Variants in ATP2B2 observed in about 807,000 individuals in gnomAD.
ATP2B2 encodes ATPase plasma membrane Ca2+ transporting 2, also known as plasma membrane calcium-transporting ATPase 2.
In ATP2B2, 15 loss-of-function variants were observed where a neutral mutation model predicts 120.0. That is an observed-to-expected ratio of 0.12 (90% confidence interval 0.08 to 0.19). The LOEUF (loss-of-function observed/expected upper bound fraction) is 0.19. Ranked by LOEUF, ATP2B2 falls within the 10% of genes least tolerant of loss-of-function variation. The pLI is 1.00. For synonymous variants in ATP2B2, 694 were observed against 700.3 expected (o/e 0.99, Z 0.14); for missense variants, 1,045 against 1,719.8 (o/e 0.61, Z 6.94).
rs1454830610 is a variant in ATP2B2 at position 10,440,100 on chromosome 3, T to TTA, written c.199+9244_199+9245insTA. Among the ~76,000 whole-genome samples the TTA allele has an allele frequency of 1.1e-4, 3 of 28,170 alleles. No individual in the cohort carries two copies. The East Asian group carries it at 4.5e-3, about 43-fold the overall frequency. 18.5% of individuals were successfully genotyped at this position (28,170 alleles called of 152,430 possible). On this transcript the variant is annotated intron_variant, in intron 2 of 22. Transcript: ENST00000360273. ...CTGGGCAACAGAGTGAGACTCTATC[T>TTA]AAAAAAAAAAAAAAAAAAAAAAAAA...
In ATP2B2 at chr3:10,350,403, C is replaced by G. The variant is rs1195731524; in HGVS notation, c.2311G>C (p.Gly771Arg). Residue 771 changes from glycine to arginine, a missense_variant, in exon 15 of 23, where the codon GGG becomes CGG. By Grantham distance (125) the Gly-to-Arg change is moderately radical (BLOSUM62 -2). This residue lies in a region of ATP2B2 where 343 missense variants were observed against 536.8 expected (regional missense o/e 0.64). Coordinates refer to ENST00000360273, the MANE Select transcript of ATP2B2 (RefSeq NM_001001331.4). The stretch of plus-strand genomic sequence containing the variant: ...CTTTACGTTGGGACACGCACCTCCC[C>G]CTTCTCGTTGCGGATCCTCCTGTTG... ...EFNRRIRNEKGEIEQERIDKI... is the reference protein window; with the variant it reads ...EFNRRIRNEKREIEQERIDKI... 7 of 1,614,120 alleles carry G rather than the reference C, an allele frequency of 4.3e-6. No individual in the cohort carries two copies. Among genetic ancestry groups the G allele is most frequent in the Non-Finnish European group, 5.1e-6 (6 of 1,180,044 alleles).
chr3:10,653,943 C>T (rs114614682), intron 1 of ATP2B2, among the ~76,000 whole-genome samples: 3,070 of 152,174 alleles, frequency 0.02, 41 homozygotes, highest in South Asian at 0.034. Context: ...TCCAATACCC[C>T]CTTCTTCTGT....
At chr3:10,640,501 T>G (rs917162022) in intron 1 of ATP2B2, among the ~76,000 whole-genome samples, 13 of 152,212 alleles carry the variant, frequency 8.5e-5, no homozygotes. Context: ...TGTTGTTTTG[T>G]GGCCACTGAG....
chr3:10,534,461 T>C (rs2067270080), intron 2 of ATP2B2, among the ~76,000 whole-genome samples: 2 of 152,226 alleles, frequency 1.3e-5, no homozygotes, highest in South Asian at 4.1e-4. Flanking sequence ...ATCTAGCCAT[T>C]CTATTCATTT....
intron 7 of ATP2B2, among the ~76,000 whole-genome samples, 167 bp downstream of exon 7, chr3:10,386,313 C>T (rs2061677623): frequency 6.6e-6 from 1 of 152,110 alleles, no homozygotes; most frequent in Non-Finnish European, 1.5e-5. Context: ...GCTTGTCCCA[C>T]AGGGCTGGCA....
chr3:10,567,137 T>G (rs777469996), intron 2 of ATP2B2, among the ~76,000 whole-genome samples: 1 of 152,190 alleles, frequency 6.6e-6, no homozygotes, highest in Non-Finnish European at 1.5e-5. Flanking sequence ...TCTCCTGGTG[T>G]CAATCTTCCT....
At chr3:10,439,516 A>G (rs2063586691) in intron 2 of ATP2B2, among the ~76,000 whole-genome samples, 1 of 152,166 alleles carries the variant, frequency 6.6e-6, no homozygotes, top group Non-Finnish European at 1.5e-5. Flanking sequence ...TTTAATCCAC[A>G]GTCAGTGTGG....
chr3:10,486,378 T>C (rs1444105576), intron 1 of ATP2B2, among the ~76,000 whole-genome samples: 1 of 150,576 alleles, frequency 6.6e-6, no homozygotes, highest in Non-Finnish European at 1.5e-5. Flanking sequence ...CTGCATAAGA[T>C]GCTCCTATGT....
chr3:10,481,088 T>G (rs2065393197), intron 1 of ATP2B2, among the ~76,000 whole-genome samples: 1 of 152,190 alleles, frequency 6.6e-6, no homozygotes, highest in Non-Finnish European at 1.5e-5. Context: ...AGGACATTCC[T>G]GAGAATGAAG....
chr3:10,398,855 T>C (rs528557229), intron 5 of ATP2B2, among the ~76,000 whole-genome samples: 2 of 152,278 alleles, frequency 1.3e-5, no homozygotes, highest in Admixed American at 6.5e-5. Context: ...TTCAGCATCG[T>C]CTTATTTTTG....
chr3:10,665,442 T>C (rs779797638), intron 1 of ATP2B2, among the ~76,000 whole-genome samples: 19 of 152,182 alleles, frequency 1.2e-4, no homozygotes, highest in Non-Finnish European at 2.5e-4. Flanking sequence ...GTGCACGGCA[T>C]GCACCTATCT....
intron 1 of ATP2B2, among the ~76,000 whole-genome samples, chr3:10,661,088 G>A (rs115676031): frequency 0.055 from 8,380 of 152,172 alleles, 306 homozygotes; most frequent in Non-Finnish European, 0.082. Context: ...GGTATTGATG[G>A]GACTTATCTT....
chr3:10,610,896 C>T (rs1440318658), intron 2 of ATP2B2, among the ~76,000 whole-genome samples: 3 of 152,198 alleles, frequency 2.0e-5, no homozygotes, highest in Admixed American at 6.5e-5. Flanking sequence ...CTGTGTCAAG[C>T]CCAGCAGAGG....
chr3:10,492,610 C>A (rs1041577102), intron 1 of ATP2B2, among the ~76,000 whole-genome samples: 2 of 152,150 alleles, frequency 1.3e-5, no homozygotes, highest in Admixed American at 6.5e-5. Context: ...ATGGATGCCA[C>A]GGGAGACTGT....
Position 10,358,709 on chromosome 3 carries a change from C to T in ATP2B2, c.2118G>A (p.Glu706=). 1 of 1,614,224 alleles carries T rather than the reference C, an allele frequency of 6.2e-7. No individual in the cohort carries two copies. Among genetic ancestry groups the T allele is most frequent in the Non-Finnish European group, 8.5e-7 (1 of 1,180,048 alleles). ...ELTCICVVGI[E]DPVRPEVPEA... ...GGCCTACCTCTGGCCGCACCGGGTC[C>T]TCGATGCCCACCACGCAGATGCAGG... Residue 706 remains glutamate (E), a synonymous_variant, in exon 14 of 23, where the codon GAG becomes GAA. Transcript: ENST00000360273.
At chr3:10,568,383 A>T (rs139119350) in intron 2 of ATP2B2, among the ~76,000 whole-genome samples, 5 of 152,286 alleles carry the variant, frequency 3.3e-5, no homozygotes, top group Non-Finnish European at 7.3e-5. Flanking sequence ...ACCTGGTAGG[A>T]TCAGGGCTCA....
chr3:10,603,415 G>A (rs767925685), intron 2 of ATP2B2, among the ~76,000 whole-genome samples: 37 of 152,256 alleles, frequency 2.4e-4, no homozygotes, highest in Non-Finnish European at 5.1e-4. Flanking sequence ...TCTTAAAATC[G>A]CTTTAAAAAT....
chr3:10,631,709 C>A (rs1169502576), intron 1 of ATP2B2, among the ~76,000 whole-genome samples: 3 of 152,196 alleles, frequency 2.0e-5, no homozygotes, highest in Non-Finnish European at 2.9e-5. Flanking sequence ...ATACAATGGG[C>A]TCCTCCTCCC....
upstream of ATP2B2, among the ~76,000 whole-genome samples, chr3:10,507,424 G>A (rs769254252): frequency 3.3e-5 from 5 of 152,186 alleles, 1 homozygote; most frequent in South Asian, 1.0e-3. Flanking sequence ...CAGGGACCAG[G>A]GCCAAGCATC....
Sources: gnomAD v4.1 joint callset for allele counts (sites outside exome capture counted in the v4.1 genomes callset) on GRCh38, gnomAD v4.1.1 for gene constraint, gnomAD v4.1.1 regional missense constraint, MANE v1.5 for transcripts, NCBI Gene and HGNC (gene_info 2026-07-23, HGNC 2026-07-21) for gene names.